The following KCNT2 variants were observed in gnomAD, a reference collection of about 807,000 sequenced individuals.
The protein encoded by KCNT2 is potassium channel subfamily T member 2.
In KCNT2, 67 loss-of-function variants were observed where a neutral mutation model predicts 153.8. That is an observed-to-expected ratio of 0.44 (90% CI 0.36 to 0.53). The LOEUF (loss-of-function observed/expected upper bound fraction) is 0.53. Ranked by LOEUF, KCNT2 falls within the 20% of genes least tolerant of loss-of-function variation. The pLI is 0.00. For missense variants in KCNT2, 975 were observed against 1,354.8 expected (o/e 0.72, Z 4.40); for synonymous variants, 500 against 458.8 (o/e 1.09, Z -1.15).
chr1:196,502,042 T>G (rs1458273785), intron 1 of KCNT2, among the ~76,000 whole-genome samples: 1 of 152,070 alleles, frequency 6.6e-6, no homozygotes, highest in African/African-American at 2.4e-5. Context: ...GCTTGAACCC[T>G]GGAGTCAGAG....
At chr1:196,498,173 C>G (rs1400895462) in intron 1 of KCNT2, among the ~76,000 whole-genome samples, 1 of 152,046 alleles carries the variant, frequency 6.6e-6, no homozygotes, top group Non-Finnish European at 1.5e-5. Context: ...CTGATTCACT[C>G]TTAAAATTCT....
chr1:196,425,572 G>C (rs2148528642), intron 11 of KCNT2, among the ~76,000 whole-genome samples: 1 of 152,054 alleles, frequency 6.6e-6, no homozygotes, highest in Non-Finnish European at 1.5e-5. Context: ...GACAGCTTAA[G>C]ATAATTATTC....
intron 1 of KCNT2, among the ~76,000 whole-genome samples, chr1:196,497,949 T>A (rs1680386594): frequency 6.6e-6 from 1 of 152,216 alleles, no homozygotes. Context: ...TCTTCGAATA[T>A]GAATTGAACA....
chr1:196,315,765 G>GA (rs1398741562), intron 21 of KCNT2, 127 bp downstream of exon 21: 11 of 820,160 alleles, frequency 1.3e-5, no homozygotes, highest in African/African-American at 5.3e-5. Flanking sequence ...TTTACTTTAT[G>GA]AAAAAAATGA....
chr1:196,531,156 T>G (rs1384634378), intron 1 of KCNT2, among the ~76,000 whole-genome samples: 1 of 152,114 alleles, frequency 6.6e-6, no homozygotes, highest in East Asian at 1.9e-4. Context: ...TTTCTTCAAG[T>G]GTAGGCTTTG....
At chr1:196,598,853 T>A (rs1294455108) in intron 1 of KCNT2, among the ~76,000 whole-genome samples, 1 of 152,224 alleles carries the variant, frequency 6.6e-6, no homozygotes, top group Non-Finnish European at 1.5e-5. Flanking sequence ...GAAAAATGTT[T>A]GACACATGCT....
intron 4 of KCNT2, among the ~76,000 whole-genome samples, chr1:196,482,108 T>A (rs1171895557): frequency 1.3e-5 from 2 of 152,078 alleles, no homozygotes; most frequent in Non-Finnish European, 2.9e-5. Context: ...TCTCACAACC[T>A]CTTTAAAATC....
chr1:196,597,435 T>G (rs1178419466), intron 1 of KCNT2, among the ~76,000 whole-genome samples: 1 of 152,052 alleles, frequency 6.6e-6, no homozygotes, highest in African/African-American at 2.4e-5. Flanking sequence ...GTAGATCTAC[T>G]TTAAGAGAAC....
chr1:196,303,638 T>C (rs1240912320), intron 22 of KCNT2, among the ~76,000 whole-genome samples: 1 of 152,148 alleles, frequency 6.6e-6, no homozygotes, highest in Non-Finnish European at 1.5e-5. Context: ...CAGGGCTAAG[T>C]GTTTTGCATA....
intron 22 of KCNT2, among the ~76,000 whole-genome samples, chr1:196,303,342 TAA>T (rs1375424812): frequency 2.6e-5 from 4 of 152,254 alleles, no homozygotes; most frequent in South Asian, 2.1e-4. Context: ...GCAAAAATAT[TAA>T]GTTTTATTTT....
intron 18 of KCNT2, among the ~76,000 whole-genome samples, chr1:196,327,654 T>C (rs1664002818): frequency 6.8e-6 from 1 of 147,056 alleles, no homozygotes; most frequent in South Asian, 2.1e-4. Flanking sequence ...TTATCACCTC[T>C]GGAATATTCT....
At chr1:196,533,694 C>T (rs1655214492) in intron 1 of KCNT2, among the ~76,000 whole-genome samples, 1 of 151,922 alleles carries the variant, frequency 6.6e-6, no homozygotes. Flanking sequence ...TTTATTCACT[C>T]AATAATTCTT....
chr1:196,277,820 C>T (rs1280614571), intron 25 of KCNT2, among the ~76,000 whole-genome samples: 1 of 151,936 alleles, frequency 6.6e-6, no homozygotes, highest in East Asian at 1.9e-4. Context: ...ATCCACTAAG[C>T]TCTTATTCTG....
intron 13 of KCNT2, among the ~76,000 whole-genome samples, chr1:196,378,960 C>T (rs1669220896): frequency 1.3e-5 from 2 of 151,138 alleles, no homozygotes; most frequent in South Asian, 4.2e-4. Context: ...CCCCCCACCC[C>T]ACTTTCATAT....
chr1:196,549,362 C>A (rs191075573), intron 1 of KCNT2, among the ~76,000 whole-genome samples: 75 of 151,868 alleles, frequency 4.9e-4, no homozygotes, highest in Admixed American at 1.3e-3. Context: ...TAATAGGCCC[C>A]CCCACACTAG....
At chr1:196,526,229 C>G (rs1357008180) in intron 1 of KCNT2, among the ~76,000 whole-genome samples, 1 of 151,524 alleles carries the variant, frequency 6.6e-6, no homozygotes, top group Non-Finnish European at 1.5e-5. Context: ...AAAAAATGTT[C>G]ATGTATAATT....
chr1:196,331,442 G>T (rs552453815), intron 17 of KCNT2, among the ~76,000 whole-genome samples, 181 bp from the exon 18 acceptor site: 1 of 151,972 alleles, frequency 6.6e-6, no homozygotes, highest in Non-Finnish European at 1.5e-5. Flanking sequence ...ATCAAATATG[G>T]CCCTCCACAT....
intron 1 of KCNT2, among the ~76,000 whole-genome samples, chr1:196,512,313 T>C (rs1332106676): frequency 2.6e-5 from 4 of 152,154 alleles, no homozygotes; most frequent in Non-Finnish European, 5.9e-5. Flanking sequence ...CCCAAGTATA[T>C]GTCCAGGATT....
intron 14 of KCNT2, among the ~76,000 whole-genome samples, chr1:196,364,940 G>T (rs747982991): frequency 1.3e-5 from 2 of 151,910 alleles, no homozygotes; most frequent in South Asian, 4.2e-4. Context: ...TTAATTCTGC[G>T]CCATGTAAAA....
Sources: allele counts gnomAD v4.1 joint callset (sites outside exome capture counted in the v4.1 genomes callset), GRCh38; gene constraint gnomAD v4.1.1; transcripts MANE v1.5; gene names NCBI Gene and HGNC (gene_info 2026-07-23, HGNC 2026-07-21).